Variants in TJP1 observed in about 807,000 individuals in gnomAD.
TJP1 encodes the protein tight junction protein ZO-1.
In TJP1, 43 loss-of-function variants were observed where a neutral mutation model predicts 194.2. That is an observed-to-expected ratio of 0.22 (90% CI 0.17 to 0.29). The LOEUF (loss-of-function observed/expected upper bound fraction) is 0.29. Ranked by LOEUF, TJP1 falls within the 10% of genes least tolerant of loss-of-function variation. TJP1 has a pLI of 1.00. For missense variants in TJP1, 1,971 were observed against 2,185.7 expected (o/e 0.90, Z 1.96); for synonymous variants, 801 against 779.0 (o/e 1.03, Z -0.47).
intron 2 of TJP1, among the ~76,000 whole-genome samples, chr15:29,947,585 C>T (rs2055327796): frequency 6.6e-6 from 1 of 152,190 alleles, no homozygotes; most frequent in South Asian, 2.1e-4. Context: ...CCCTAGGAGC[C>T]TGTGCCACCA....
At position 29,887,770 on chromosome 15, in the gene TJP1, AT is replaced by A. The variant is rs373362430; in HGVS notation, c.306+68461del. ...ATGCAAACACCAAATTGGAAAAAGTATTTGTAGCAAAGGTCATCATCAAAAG... is the reference window on the plus strand; with the variant it reads ...ATGCAAACACCAAATTGGAAAAAGTATTGTAGCAAAGGTCATCATCAAAAG... On this transcript the variant is annotated intron_variant, in intron 2 of 28. Coordinates refer to the TJP1 transcript ENST00000356107. 4.8e-4 allele frequency among the ~76,000 whole-genome samples: 73 copies of A among 152,340 alleles called. 1 individual carries two copies. In the East Asian group the frequency reaches 9.6e-3, roughly 20 times the overall value.
intron 1 of TJP1, among the ~76,000 whole-genome samples, chr15:29,808,669 T>C (rs1045159141): frequency 6.6e-6 from 1 of 152,180 alleles, no homozygotes; most frequent in Non-Finnish European, 1.5e-5. Flanking sequence ...AATAAGATAT[T>C]TACTCTGTCT....
At chr15:29,782,767 A>G (rs904652119) in intron 2 of TJP1, among the ~76,000 whole-genome samples, 1 of 152,128 alleles carries the variant, frequency 6.6e-6, no homozygotes, top group Admixed American at 6.5e-5. Flanking sequence ...CAACCTACAG[A>G]ATATGAGAAA....
intron 2 of TJP1, among the ~76,000 whole-genome samples, chr15:29,843,636 A>G (rs2051307902): frequency 6.6e-6 from 1 of 152,242 alleles, no homozygotes; most frequent in Admixed American, 6.5e-5. Context: ...CTTCCATTGT[A>G]CTAGAAAAAC....
chr15:29,766,912 C>T (rs1213239494), intron 4 of TJP1, among the ~76,000 whole-genome samples: 1 of 152,184 alleles, frequency 6.6e-6, no homozygotes. Context: ...ACTCTAGGTG[C>T]TACCAAAACC....
At chr15:29,822,585 CGA>C (rs1317588069), upstream of TJP1, 2 of 686,364 alleles carry the variant, frequency 2.9e-6, no homozygotes, top group African/African-American at 3.9e-5. Context: ...GGGGGCGGGA[CGA>C]GCGGCCGGGG....
chr15:29,766,854 G>A (rs1352593436), intron 4 of TJP1, among the ~76,000 whole-genome samples: 1 of 152,120 alleles, frequency 6.6e-6, no homozygotes, highest in East Asian at 1.9e-4. Context: ...ACAACTGTTG[G>A]TGGTTTGAAT....
At chr15:29,711,034 A>G (rs752871166) in intron 23 of TJP1, 34 bp from the exon 24 acceptor site, 1 of 1,539,388 alleles carries the variant, frequency 6.5e-7, no homozygotes, top group East Asian at 2.3e-5. Flanking sequence ...CAACACCTGA[A>G]AATGGACTCA....
At chr15:29,904,316 G>C (rs567296217) in intron 2 of TJP1, among the ~76,000 whole-genome samples, 6 of 152,266 alleles carry the variant, frequency 3.9e-5, no homozygotes, top group African/African-American at 1.4e-4. Flanking sequence ...CATAATCCTT[G>C]TGAGAGACAA....
Position 29,730,606 on chromosome 15 carries a change from AAAG to A in TJP1, c.2017+1824_2017+1826del, listed in dbSNP as rs1273211388. The A allele has an allele frequency of 9.2e-6, 5 of 540,572 alleles. No homozygotes were observed. The East Asian group carries it at 2.1e-4, about 23-fold the overall frequency. The allele number at this position is 540,572 out of a possible 1,614,324, so 33.5% of individuals were successfully genotyped here. On this transcript the variant is annotated intron_variant, in intron 15 of 27. Coordinates refer to ENST00000614355, the MANE Select transcript of TJP1 (RefSeq NM_001330239.4). ...TGAGACTCTGTCTCTGAAAAAAAAA[AAAG>A]AGGAGCAGTGTGAAGAAGAGGCGAG...
intron 2 of TJP1, among the ~76,000 whole-genome samples, chr15:29,955,824 G>A (rs934805651): frequency 7.0e-6 from 1 of 143,548 alleles, no homozygotes; most frequent in Admixed American, 7.2e-5. Flanking sequence ...ATTGGGATCC[G>A]TACTAATAAT....
At chr15:29,826,291 G>C (rs556659745), upstream of TJP1, among the ~76,000 whole-genome samples, 44 of 152,094 alleles carry the variant, frequency 2.9e-4, no homozygotes, top group Admixed American at 9.8e-4. Flanking sequence ...TCTTTTTTCA[G>C]GGTCCCAAAT....
At chr15:29,855,067 T>C (rs1321485486) in intron 2 of TJP1, among the ~76,000 whole-genome samples, 5 of 152,128 alleles carry the variant, frequency 3.3e-5, no homozygotes, top group Non-Finnish European at 7.4e-5. Flanking sequence ...CCAGAAACAC[T>C]ACTTTAAAAT....
intron 2 of TJP1, among the ~76,000 whole-genome samples, chr15:29,935,522 C>G (rs1453777009): frequency 6.6e-6 from 1 of 152,178 alleles, no homozygotes; most frequent in Non-Finnish European, 1.5e-5. Flanking sequence ...GCTTCACCAC[C>G]TATGGTCATT....
Position 29,766,184 on chromosome 15 carries a change from G to A in TJP1, c.589+82C>T, listed in dbSNP as rs533026548. 2.7e-5 allele frequency: 41 copies of A among 1,512,674 alleles called. No individual in the cohort carries two copies. The East Asian group carries it at 8.8e-4, about 32-fold the overall frequency. The allele number at this position is 1,512,674 out of a possible 1,614,324, so 93.7% of individuals were successfully genotyped here. On this transcript the variant is annotated intron_variant, in intron 5 of 27. Coordinates refer to ENST00000614355, the MANE Select transcript of TJP1 (RefSeq NM_001330239.4). Reference sequence around the variant, plus strand: ...CACAAAGACAACAAAGCAAAGACATGAAGAGACAGCAACTGTACTTCTCAT... The same window carrying A: ...CACAAAGACAACAAAGCAAAGACATAAAGAGACAGCAACTGTACTTCTCAT...
intron 2 of TJP1, among the ~76,000 whole-genome samples, chr15:29,891,662 T>C (rs1472084957): frequency 1.3e-5 from 2 of 152,196 alleles, no homozygotes; most frequent in Non-Finnish European, 1.5e-5. Flanking sequence ...ATATCTGTTG[T>C]GGTGATCTGT....
intron 1 of TJP1, among the ~76,000 whole-genome samples, chr15:29,807,501 A>C (rs2049187173): frequency 6.6e-6 from 1 of 152,212 alleles, no homozygotes; most frequent in Non-Finnish European, 1.5e-5. Context: ...AGACAGGAGG[A>C]GGAAGGGAAT....
Position 29,718,471 on chromosome 15 carries a change from G to C in TJP1, c.3671C>G (p.Pro1224Arg), listed in dbSNP as rs770393568. ...FEPLHGAAAV[P>R]PLIPSSQHKP... ...ATGCTGAGATGAAGGTATCAGCGGAGGGACAGCTGCAGCACCATGGAGAGG... is the reference window on the plus strand; with the variant it reads ...ATGCTGAGATGAAGGTATCAGCGGACGGACAGCTGCAGCACCATGGAGAGG... The change falls in exon 21 of 28, where the codon CCT becomes CGT. Residue 1224 changes from proline to arginine, a missense_variant. This residue lies in a region of TJP1 where 1,108 missense variants were observed against 1,128.5 expected (regional missense o/e 0.98). Transcript: ENST00000614355. 2.5e-6 allele frequency: 4 copies of C among 1,614,190 alleles called. No homozygotes were observed. The highest frequency in any genetic ancestry group is 3.4e-6 in the Non-Finnish European group (4 of 1,180,038).
chr15:29,874,390 G>A (rs1052230474), intron 2 of TJP1, among the ~76,000 whole-genome samples: 3 of 152,102 alleles, frequency 2.0e-5, no homozygotes, highest in African/African-American at 7.2e-5. Context: ...CAGCAGTAAG[G>A]GCGGAGGGCA....
Sources: allele counts gnomAD v4.1 joint callset (sites outside exome capture counted in the v4.1 genomes callset), GRCh38; gene constraint gnomAD v4.1.1; regional missense constraint gnomAD v4.1.1; transcripts MANE v1.5; gene names NCBI Gene and HGNC (gene_info 2026-07-23, HGNC 2026-07-21).